The following ADGRL3 variants were observed in gnomAD, a reference collection of about 807,000 sequenced individuals.
The protein encoded by ADGRL3 is calcium-independent alpha-latrotoxin receptor 3.
Under a neutral mutation model 153.5 loss-of-function variants are expected in ADGRL3, and 62 were observed. That is an observed-to-expected ratio of 0.40 (90% CI 0.33 to 0.50). ADGRL3 has a LOEUF of 0.50. Ranked by LOEUF, ADGRL3 falls within the 20% of genes least tolerant of loss-of-function variation. ADGRL3 has a pLI of 0.47. For synonymous variants in ADGRL3, 710 were observed against 672.5 expected (o/e 1.06, Z -0.86); for missense variants, 1,641 against 1,859.4 (o/e 0.88, Z 2.16).
chr4:61,689,579 A>G (rs188470764), intron 6 of ADGRL3, among the ~76,000 whole-genome samples: 4 of 152,260 alleles, frequency 2.6e-5, no homozygotes, highest in African/African-American at 9.6e-5. Context: ...TGATTTTTCT[A>G]TACTCTAGAG....
chr4:61,957,289 G>A (rs975961557), intron 17 of ADGRL3, among the ~76,000 whole-genome samples: 1 of 151,988 alleles, frequency 6.6e-6, no homozygotes, highest in South Asian at 2.1e-4. Flanking sequence ...TTTATTCTCT[G>A]TGTAGTGATT....
intron 1 of ADGRL3, among the ~76,000 whole-genome samples, chr4:61,259,762 A>G (rs916468361): frequency 1.3e-5 from 2 of 151,964 alleles, no homozygotes; most frequent in East Asian, 3.9e-4. Flanking sequence ...ACATATTTAT[A>G]TTCTCAAATA....
intron 2 of ADGRL3, among the ~76,000 whole-genome samples, chr4:61,408,399 G>T (rs1342289237): frequency 6.6e-6 from 1 of 150,818 alleles, no homozygotes; most frequent in South Asian, 2.1e-4. Flanking sequence ...GCCCATGGGG[G>T]TATTAGCTGC....
chr4:61,290,405 C>T (rs2150136628), intron 1 of ADGRL3, among the ~76,000 whole-genome samples: 1 of 152,140 alleles, frequency 6.6e-6, no homozygotes, highest in South Asian at 2.1e-4. Context: ...AATGTAGTGG[C>T]TTATATTCTA....
intron 17 of ADGRL3, among the ~76,000 whole-genome samples, chr4:61,958,560 G>C (rs530808457): frequency 5.5e-4 from 84 of 152,252 alleles, no homozygotes; most frequent in African/African-American, 2.0e-3. Context: ...GCCTGGGGAG[G>C]CCTCAGGAAA....
chr4:61,509,072 T>A (rs532167344), intron 3 of ADGRL3, among the ~76,000 whole-genome samples: 24 of 150,044 alleles, frequency 1.6e-4, no homozygotes, highest in Non-Finnish European at 3.5e-4. Flanking sequence ...ATTATGGGAG[T>A]ACAATTCAAG....
At chr4:61,779,616 G>T in intron 8 of ADGRL3, among the ~76,000 whole-genome samples, 1 of 117,166 alleles carries the variant, frequency 8.5e-6, no homozygotes, top group African/African-American at 3.4e-5. Context: ...CCTCGGTGCT[G>T]CAGTAAGACT....
chr4:61,340,292 C>T (rs191224413), intron 1 of ADGRL3, among the ~76,000 whole-genome samples: 9 of 152,264 alleles, frequency 5.9e-5, no homozygotes, highest in Admixed American at 2.6e-4. Context: ...CAAAATATCA[C>T]GCTTCTCAGT....
At chr4:61,768,902 G>C (rs532124774) in intron 8 of ADGRL3, among the ~76,000 whole-genome samples, 2 of 152,040 alleles carry the variant, frequency 1.3e-5, no homozygotes, top group South Asian at 2.1e-4. Context: ...GGAAATAAGG[G>C]ATTGGGGTGC....
rs192458328 is a variant in ADGRL3 at position 61,740,987 on chromosome 4, G to A, written c.1399+7433G>A. Among the ~76,000 whole-genome samples, 312 of 152,284 alleles carry A rather than the reference G, an allele frequency of 2.0e-3. 2 individuals carry two copies. Among genetic ancestry groups the A allele is most frequent in the African/African-American group, 6.9e-3 (285 of 41,548 alleles). On this transcript the variant is annotated intron_variant, in intron 8 of 26. Coordinates refer to ENST00000683033, the MANE Select transcript of ADGRL3 (RefSeq NM_001387552.1). Reference sequence around the variant, plus strand: ...TCTGTCCTTATAATATGCAAATTAAGTGCATTTGTATCTCCAGTAAAAGCT... The same window carrying A: ...TCTGTCCTTATAATATGCAAATTAAATGCATTTGTATCTCCAGTAAAAGCT...
intron 8 of ADGRL3, among the ~76,000 whole-genome samples, chr4:61,807,785 T>C (rs1210835822): frequency 6.6e-6 from 1 of 152,200 alleles, no homozygotes; most frequent in Non-Finnish European, 1.5e-5. Context: ...GTCCTGGATT[T>C]GCTTCAGAAT....
chr4:61,907,945 A>G (rs529073160), intron 11 of ADGRL3, among the ~76,000 whole-genome samples: 2 of 152,244 alleles, frequency 1.3e-5, no homozygotes. Flanking sequence ...CCCTCACTCA[A>G]AATGGAGTTA....
At chr4:61,933,253 A>G (rs1334784466) in intron 13 of ADGRL3, among the ~76,000 whole-genome samples, 1 of 152,148 alleles carries the variant, frequency 6.6e-6, no homozygotes, top group Non-Finnish European at 1.5e-5. Context: ...GTTTGGCTTC[A>G]GAAAATATCT....
rs1560565678 is a variant in ADGRL3, at chr4:61,392,708, A to AAAAAAAAAAAAAAT, written c.-174+9523_-174+9524insAAAAAAAAATAAAA. ...TCAAAAAAAAAAAAAAAAAAAAAAG[A>AAAAAAAAAAAAAAT]AAAAGGAAAATAAAGAAAGAGAGAA... On this transcript the variant is annotated intron_variant, in intron 2 of 26. Coordinates refer to ENST00000683033, the MANE Select transcript of ADGRL3 (RefSeq NM_001387552.1). Among the ~76,000 whole-genome samples, 3 of 92,740 alleles carry AAAAAAAAAAAAAAT rather than the reference A, an allele frequency of 3.2e-5. 1 individual carries two copies. The highest frequency in any genetic ancestry group is 2.4e-5 in the Non-Finnish European group (1 of 42,134). The allele number at this position is 92,740 out of a possible 152,430, so 60.8% of individuals were successfully genotyped here.
rs183536750 is a variant in ADGRL3, at chr4:61,764,277, T to A, written c.1399+30723T>A. Among the ~76,000 whole-genome samples, 114 of 152,230 alleles carry A rather than the reference T, an allele frequency of 7.5e-4. 1 individual carries two copies. The East Asian group carries it at 0.016, about 22-fold the overall frequency. On this transcript the variant is annotated intron_variant, in intron 8 of 26. Transcript: ENST00000683033. The stretch of plus-strand genomic sequence containing the variant: ...GCTTTGTGTGAGCAACATGGCTGTT[T>A]ATTTCACCTGGTTGCAGGCGGGCTG...
At chr4:61,745,859 A>C (rs1038640347) in intron 8 of ADGRL3, among the ~76,000 whole-genome samples, 1 of 152,194 alleles carries the variant, frequency 6.6e-6, no homozygotes, top group Non-Finnish European at 1.5e-5. Flanking sequence ...ACACATAACA[A>C]TATTAACTTT....
chr4:61,928,301 AT>A (rs1560387588), intron 13 of ADGRL3, among the ~76,000 whole-genome samples: 1 of 152,158 alleles, frequency 6.6e-6, no homozygotes, highest in African/African-American at 2.4e-5. Context: ...CAACTTGCTC[AT>A]TATGTACTTT....
chr4:61,215,642 C>T lies in ADGRL3; in HGVS notation c.-240+13877C>T, dbSNP rs1986225. ...TCTCGGCTCCCTGCAAGCTCCGCCTCCCGGGTTCACGCCATTCTCCTGCCT... is the reference window on the plus strand; with the variant it reads ...TCTCGGCTCCCTGCAAGCTCCGCCTTCCGGGTTCACGCCATTCTCCTGCCT... On this transcript the variant is annotated intron_variant, in intron 1 of 26. Transcript: ENST00000683033. Among the ~76,000 whole-genome samples, 3 of 149,256 alleles carry T rather than the reference C, an allele frequency of 2.0e-5. No homozygotes were observed. In the East Asian group the frequency reaches 6.0e-4, roughly 30 times the overall value.
chr4:61,823,291 C>A (rs2097772050), intron 9 of ADGRL3, among the ~76,000 whole-genome samples: 1 of 152,134 alleles, frequency 6.6e-6, no homozygotes, highest in African/African-American at 2.4e-5. Context: ...GTCTAAATAT[C>A]ACAAGTTTTG....
Sources: gnomAD v4.1 joint callset for allele counts (sites outside exome capture counted in the v4.1 genomes callset) on GRCh38, gnomAD v4.1.1 for gene constraint, MANE v1.5 for transcripts, NCBI Gene and HGNC (gene_info 2026-07-23, HGNC 2026-07-21) for gene names.